STRAP: variants seen among roughly 807,000 people sequenced by gnomAD.
STRAP encodes the protein serine-threonine kinase receptor-associated protein.
STRAP carries 16 observed loss-of-function variants against 47.0 expected under a neutral mutation model. The observed-to-expected ratio is 0.34, with a 90% confidence interval of 0.23 to 0.52. The LOEUF is 0.52. Among genes scored for constraint, STRAP ranks in the 20% least tolerant of loss-of-function variants. STRAP has a pLI of 0.96. For missense variants in STRAP, 293 were observed against 420.0 expected (o/e 0.70, Z 2.64); for synonymous variants, 130 against 142.7 (o/e 0.91, Z 0.63).
rs895308412 is a variant in STRAP, at chr12:15,896,405, G to A, written c.638+909G>A. On this transcript the variant is annotated intron_variant, in intron 6 of 9. Coordinates refer to ENST00000419869, the MANE Select transcript of STRAP (RefSeq NM_007178.4). The surrounding 1 kb of genome is among the most constrained non-coding windows in gnomAD (Gnocchi z 4.1). ...TTTAAATGTAGTAAATACTCTTGGA[G>A]AAAGACTGGAATATATAACATAATT... Among the ~76,000 whole-genome samples the A allele has an allele frequency of 4.6e-5, 7 of 152,072 alleles. No homozygotes were observed. Among genetic ancestry groups the A allele is most frequent in the African/African-American group, 1.7e-4 (7 of 41,406 alleles).
At chr12:15,891,752 G>A (rs1379653717) in intron 4 of STRAP, among the ~76,000 whole-genome samples, 2 of 152,088 alleles carry the variant, frequency 1.3e-5, no homozygotes, top group Non-Finnish European at 2.9e-5. Context: ...ATACCAGCCT[G>A]GCCAACATGG....
intron 6 of STRAP, among the ~76,000 whole-genome samples, 174 bp downstream of exon 6, chr12:15,895,670 C>T (rs1228299110): frequency 2.0e-5 from 3 of 151,406 alleles, no homozygotes; most frequent in Non-Finnish European, 4.4e-5. Context: ...TGAGATCAGC[C>T]TGGGCAACAC....
intron 9 of STRAP, among the ~76,000 whole-genome samples, chr12:15,901,812 G>T (rs1428217769): frequency 7.0e-6 from 1 of 142,396 alleles, no homozygotes; most frequent in Non-Finnish European, 1.5e-5. Flanking sequence ...AGCGAGCCGA[G>T]ATTGCGCCAC....
chr12:15,882,879 C>G, intron 1 of STRAP, 60 bp downstream of exon 1: 1 of 1,522,964 alleles, frequency 6.6e-7, no homozygotes, highest in South Asian at 1.2e-5. Flanking sequence ...GGGATCGGGA[C>G]CCGCACGCTC....
rs927018925 is a variant in STRAP at position 15,882,407 on chromosome 12, G to A, written c.-301G>A. 4.4e-6 allele frequency: 2 copies of A among 450,354 alleles called. No homozygotes were observed. The highest frequency in any genetic ancestry group is 8.1e-6 in the Non-Finnish European group (2 of 247,878). The allele number at this position is 450,354 out of a possible 1,614,324, so 27.9% of individuals were successfully genotyped here. On this transcript the variant is annotated 5_prime_UTR_variant, in exon 1 of 10. An upstream start codon of the reference 5' UTR is lost. Coordinates refer to ENST00000419869, the MANE Select transcript of STRAP (RefSeq NM_007178.4). ...ATTTACGTCGTCACTTCCTGCCGATGCCGGTGTGGACGCTGTGAATCGTGG... is the reference window on the plus strand; with the variant it reads ...ATTTACGTCGTCACTTCCTGCCGATACCGGTGTGGACGCTGTGAATCGTGG...
In STRAP at chr12:15,893,143, C is replaced by T. The variant is rs73321470; in HGVS notation, c.404-904C>T. On this transcript the variant is annotated intron_variant, in intron 4 of 9. Coordinates refer to ENST00000419869, the MANE Select transcript of STRAP (RefSeq NM_007178.4). Reference sequence around the variant, plus strand: ...GCAGTGAGGGTTTTTTGAAGTTCTTCGAAAGGATAATCTCCTACAGATTTA... The same window carrying T: ...GCAGTGAGGGTTTTTTGAAGTTCTTTGAAAGGATAATCTCCTACAGATTTA... Among the ~76,000 whole-genome samples the T allele has an allele frequency of 6.4e-3, 980 of 152,102 alleles. 9 individuals carry two copies. Among genetic ancestry groups the T allele is most frequent in the African/African-American group, 0.023 (936 of 41,508 alleles).
chr12:15,895,109 T>C (rs898046558), intron 5 of STRAP, among the ~76,000 whole-genome samples: 10 of 152,240 alleles, frequency 6.6e-5, no homozygotes, highest in African/African-American at 7.2e-5. Context: ...CTTAATAATG[T>C]AGTTTTGCCA....
In STRAP at chr12:15,882,489, C is replaced by T. The variant is rs1027255647; in HGVS notation, c.-219C>T. The T allele has an allele frequency of 3.6e-6, 2 of 561,204 alleles. No individual in the cohort carries two copies. The highest frequency in any genetic ancestry group is 6.4e-6 in the Non-Finnish European group (2 of 314,040). The allele number at this position is 561,204 out of a possible 1,614,324, so 34.8% of individuals were successfully genotyped here. ...TACTTTCCTCCCTCCCTCCCTTTCC[C>T]TCCCTCGTCGACTGTTGCTTGCTGG... On this transcript the variant is annotated 5_prime_UTR_variant, in exon 1 of 10. Coordinates refer to ENST00000419869, the MANE Select transcript of STRAP (RefSeq NM_007178.4).
In STRAP at chr12:15,890,518, T is replaced by C. The variant is rs112966812; in HGVS notation, c.331-79T>C. 11 of 1,199,772 alleles carry C rather than the reference T, an allele frequency of 9.2e-6. No homozygotes were observed. In the African/African-American group the frequency reaches 1.2e-4, roughly 13 times the overall value. The allele number at this position is 1,199,772 out of a possible 1,614,324, so 74.3% of individuals were successfully genotyped here. A position where few individuals can be genotyped will look rare whatever the true frequency, so the allele number is the denominator to read the frequency against. ...GTGATGTCTGTGAGCTAGATTTTGA[T>C]TTTATTTGGTGTTGAAATTTGAAAG... On this transcript the variant is annotated intron_variant, in intron 3 of 9. Coordinates refer to ENST00000419869, the MANE Select transcript of STRAP (RefSeq NM_007178.4). The surrounding 1 kb of genome is among the most constrained non-coding windows in gnomAD (Gnocchi z 4.5).
chr12:15,884,089 C>T (rs1182186083), intron 2 of STRAP, among the ~76,000 whole-genome samples: 1 of 152,016 alleles, frequency 6.6e-6, no homozygotes. Flanking sequence ...GTGTCAAAAA[C>T]AAACAAACAA....
At chr12:15,897,698 C>T (rs1183131544) in intron 6 of STRAP, among the ~76,000 whole-genome samples, 184 bp from the exon 7 acceptor site, 1 of 150,572 alleles carries the variant, frequency 6.6e-6, no homozygotes, top group Non-Finnish European at 1.5e-5. Context: ...TCCACTTGGG[C>T]ATAGTATCCA....
chr12:15,886,052 G>A (rs1423885332), intron 2 of STRAP, among the ~76,000 whole-genome samples: 3 of 151,722 alleles, frequency 2.0e-5, no homozygotes, highest in East Asian at 1.9e-4. Flanking sequence ...CAAGAAGGAA[G>A]ATTTTTGTGA....
Position 15,882,590 on chromosome 12 carries a change from C to T in STRAP, c.-118C>T. Reference sequence around the variant, plus strand: ...GGATTGCCCTTCTTTTCCTGTTGCCCAGCCCAGCCCTAGTGTCAGGGCGGG... The same window carrying T: ...GGATTGCCCTTCTTTTCCTGTTGCCTAGCCCAGCCCTAGTGTCAGGGCGGG... On this transcript the variant is annotated 5_prime_UTR_variant, in exon 1 of 10. Transcript: ENST00000419869. 1 of 827,080 alleles carries T rather than the reference C, an allele frequency of 1.2e-6. No individual in the cohort carries two copies. Among genetic ancestry groups the T allele is most frequent in the Non-Finnish European group, 1.9e-6 (1 of 524,556 alleles). 51.2% of individuals were successfully genotyped at this position (827,080 alleles called of 1,614,324 possible).
Position 15,894,067 on chromosome 12 carries a change from C to T in STRAP, c.424C>T (p.His142Tyr). 1 of 1,613,022 alleles carries T rather than the reference C, an allele frequency of 6.2e-7. No individual in the cohort carries two copies. The highest frequency in any genetic ancestry group is 8.5e-7 in the Non-Finnish European group (1 of 1,179,316). The change falls in exon 5 of 10, where the codon CAT becomes TAT. Residue 142 changes from histidine (H) to tyrosine (Y), a missense_variant. His to Tyr is a moderately conservative substitution (Grantham distance 83, BLOSUM62 2). This residue lies in a region of STRAP where 152 missense variants were observed against 183.0 expected (regional missense o/e 0.83). Coordinates refer to ENST00000419869, the MANE Select transcript of STRAP (RefSeq NM_007178.4). The surrounding 1 kb of genome is among the most constrained non-coding windows in gnomAD (Gnocchi z 4.9). ...TCAAGAACCTAAGGAAATTAGTGGT[C>T]ATACTTCTGGTATAAAAAAAGCTCT... Reference protein sequence around the residue: ...PEAEPKEISGHTSGIKKALWC... With the variant: ...PEAEPKEISGYTSGIKKALWC...
intron 6 of STRAP, among the ~76,000 whole-genome samples, chr12:15,895,948 C>T (rs1011327135): frequency 4.7e-5 from 7 of 148,440 alleles, no homozygotes; most frequent in Non-Finnish European, 7.4e-5. Context: ...GTGGGCTGGG[C>T]GTGGTGGCTC....
intron 9 of STRAP, among the ~76,000 whole-genome samples, chr12:15,901,318 CT>C (rs1948101621): frequency 6.6e-6 from 1 of 152,094 alleles, no homozygotes; most frequent in South Asian, 2.1e-4. Flanking sequence ...TTAAAAAAAG[CT>C]TCCTAGAGAA....
chr12:15,888,898 T>C (rs898267837), intron 2 of STRAP, among the ~76,000 whole-genome samples: 4 of 152,144 alleles, frequency 2.6e-5, no homozygotes, highest in Non-Finnish European at 5.9e-5. Context: ...TATTTTATTA[T>C]GTATTGGGGT....
rs1947944714 is a variant in STRAP at position 15,883,867 on chromosome 12, CAA to C, written c.248+194_248+195del. On this transcript the variant is annotated intron_variant, in intron 2 of 9. Coordinates refer to ENST00000419869, the MANE Select transcript of STRAP (RefSeq NM_007178.4). Reference sequence around the variant, plus strand: ...GTGCTTCTTTGTCTTCAGTGGTTCTCAAAATTTTCAGAGGCCTAAATGACTTA... The same window carrying C: ...GTGCTTCTTTGTCTTCAGTGGTTCTCAATTTTCAGAGGCCTAAATGACTTA... 3.3e-5 allele frequency among the ~76,000 whole-genome samples: 5 copies of C among 152,170 alleles called. No individual in the cohort carries two copies. The South Asian group carries it at 1.0e-3, about 32-fold the overall frequency.
chr12:15,891,920 A>G (rs1400661735), intron 4 of STRAP, among the ~76,000 whole-genome samples: 3 of 151,818 alleles, frequency 2.0e-5, no homozygotes, highest in African/African-American at 7.3e-5. Flanking sequence ...CCTGGGGGAC[A>G]AGAGCAAAAC....
Sources: allele counts gnomAD v4.1 joint callset (sites outside exome capture counted in the v4.1 genomes callset), GRCh38; gene constraint gnomAD v4.1.1; regional missense constraint gnomAD v4.1.1; non-coding constraint Gnocchi (gnomAD v3.1); transcripts MANE v1.5; gene names NCBI Gene and HGNC (gene_info 2026-07-23, HGNC 2026-07-21).